Variants in PRKAA2 observed in about 807,000 individuals in gnomAD.
PRKAA2 encodes 5'-AMP-activated protein kinase catalytic subunit alpha-2.
PRKAA2 carries 40 observed loss-of-function variants against 56.3 expected under a neutral mutation model. The ratio of observed to expected loss-of-function variants is 0.71; its 90% CI spans 0.55 to 0.92. The LOEUF (loss-of-function observed/expected upper bound fraction) is 0.92, where lower values mean the gene tolerates loss of function less well. PRKAA2 is among the 40% of genes least tolerant of loss of function. The pLI is 0.00. For missense variants in PRKAA2, 542 were observed against 686.9 expected, an observed-to-expected ratio of 0.79 and a Z score of 2.36; for synonymous variants, 214 against 234.2, an observed-to-expected ratio of 0.91 and a Z score of 0.79.
intron 3 of PRKAA2, 59 bp downstream of exon 3, chr1:56,691,546 G>A (rs570287574): frequency 7.2e-7 from 1 of 1,382,238 alleles, no homozygotes; most frequent in Non-Finnish European, 1.0e-6. Context: ...GAAAGTATTG[G>A]GACATAGAAC....
chr1:56,671,939 GTCA>G (rs1196635762), intron 1 of PRKAA2, among the ~76,000 whole-genome samples: 1 of 152,082 alleles, frequency 6.6e-6, no homozygotes, highest in East Asian at 1.9e-4. Context: ...GGTCACTTTT[GTCA>G]TCATTATTAA....
chr1:56,663,002 C>A (rs1185839512), intron 1 of PRKAA2, among the ~76,000 whole-genome samples: 1 of 152,092 alleles, frequency 6.6e-6, no homozygotes, highest in East Asian at 1.9e-4. Context: ...TGTTCCTTGG[C>A]CCTCCAGAGA....
At chr1:56,659,799 T>C (rs1165306251) in intron 1 of PRKAA2, among the ~76,000 whole-genome samples, 2 of 152,156 alleles carry the variant, frequency 1.3e-5, no homozygotes, top group South Asian at 2.1e-4. Flanking sequence ...TCCCAGCGAC[T>C]TGGGGAACTG....
intron 1 of PRKAA2, among the ~76,000 whole-genome samples, chr1:56,658,593 C>CG (rs887405071): frequency 6.7e-6 from 1 of 148,808 alleles, no homozygotes; most frequent in African/African-American, 2.5e-5. Flanking sequence ...TTCTTCCCCC[C>CG]CCCCGCCATT....
At position 56,652,594 on chromosome 1, in the gene PRKAA2, G is replaced by A. The variant is rs528848985; in HGVS notation, c.94+7113G>A. Among the ~76,000 whole-genome samples the A allele has an allele frequency of 2.6e-5, 4 of 152,296 alleles. No individual in the cohort carries two copies. The East Asian group carries it at 7.7e-4, about 29-fold the overall frequency. ...CTACTACCAGTTGTCTCACCTTTGG[G>A]AAAAACCATTAGATGCTGAGCCTTT... On this transcript the variant is annotated intron_variant, in intron 1 of 8. Transcript: ENST00000371244.
chr1:56,698,827 C>T (rs963945171), intron 6 of PRKAA2, among the ~76,000 whole-genome samples: 5 of 152,150 alleles, frequency 3.3e-5, no homozygotes, highest in Non-Finnish European at 7.4e-5. Flanking sequence ...ATTTATTTCA[C>T]ATCTGCTCTG....
intron 5 of PRKAA2, among the ~76,000 whole-genome samples, chr1:56,694,734 C>G (rs775045129): frequency 6.6e-6 from 1 of 152,006 alleles, no homozygotes; most frequent in Admixed American, 6.6e-5. Flanking sequence ...CTAATCACCC[C>G]CCTTAAGTCC....
chr1:56,651,308 C>G (rs1044127053), intron 1 of PRKAA2, among the ~76,000 whole-genome samples: 36 of 152,166 alleles, frequency 2.4e-4, no homozygotes, highest in African/African-American at 8.4e-4. Flanking sequence ...ATAAAAGGTA[C>G]AATTTGATTA....
chr1:56,707,194 A>C (rs1176952844), intron 8 of PRKAA2, among the ~76,000 whole-genome samples: 1 of 152,166 alleles, frequency 6.6e-6, no homozygotes, highest in Non-Finnish European at 1.5e-5. Context: ...TCACATGCAG[A>C]GATATCAGTT....
chr1:56,683,071 ATTTTTTTTTTTT>A (rs10606990), intron 2 of PRKAA2, among the ~76,000 whole-genome samples: 14 of 87,208 alleles, frequency 1.6e-4, no homozygotes, highest in African/African-American at 3.9e-4. Context: ...AAAGAAAGGA[ATTTTTTTTTTTT>A]TTTTTTTTTT....
intron 1 of PRKAA2, among the ~76,000 whole-genome samples, chr1:56,653,542 GAAT>G (rs1234391885): frequency 4.6e-5 from 7 of 151,986 alleles, no homozygotes. Flanking sequence ...GTAAAAATGG[GAAT>G]AATACCATAT....
At chr1:56,684,172 G>T (rs569220508) in intron 2 of PRKAA2, among the ~76,000 whole-genome samples, 1 of 152,074 alleles carries the variant, frequency 6.6e-6, no homozygotes, top group Admixed American at 6.6e-5. Context: ...TGGCCTCGGC[G>T]AAAAAACAAG....
chr1:56,651,821 G>T (rs1443879133), intron 1 of PRKAA2, among the ~76,000 whole-genome samples: 2 of 151,386 alleles, frequency 1.3e-5, no homozygotes, highest in African/African-American at 2.4e-5. Context: ...AGTGATTTCA[G>T]TGTGTTTACT....
intron 2 of PRKAA2, among the ~76,000 whole-genome samples, chr1:56,689,098 T>C (rs570992166): frequency 2.0e-5 from 3 of 152,284 alleles, no homozygotes; most frequent in Admixed American, 1.3e-4. Context: ...AATTTATTTA[T>C]TAGAATGTCA....
intron 1 of PRKAA2, among the ~76,000 whole-genome samples, chr1:56,660,931 G>A (rs1291463721): frequency 6.6e-6 from 1 of 152,134 alleles, no homozygotes; most frequent in African/African-American, 2.4e-5. Context: ...GGATTTTCAG[G>A]GAAAGGAAAT....
chr1:56,683,982 A>G (rs967844800), intron 2 of PRKAA2, among the ~76,000 whole-genome samples: 4 of 152,190 alleles, frequency 2.6e-5, no homozygotes, highest in African/African-American at 7.2e-5. Context: ...AGGGAAACCA[A>G]TTGGGAGTCA....
At chr1:56,664,891 C>CAT (rs1553147712) in intron 1 of PRKAA2, among the ~76,000 whole-genome samples, 1 of 114,072 alleles carries the variant, frequency 8.8e-6, no homozygotes, top group South Asian at 4.4e-4. Flanking sequence ...CACACACACA[C>CAT]ATATATACAT....
chr1:56,657,302 A>G (rs971929320), intron 1 of PRKAA2, among the ~76,000 whole-genome samples: 4 of 152,206 alleles, frequency 2.6e-5, no homozygotes, highest in African/African-American at 9.6e-5. Context: ...AAAAAATGGA[A>G]TGGAATTTTT....
chr1:56,683,886 A>G (rs1644173219), intron 2 of PRKAA2, among the ~76,000 whole-genome samples: 1 of 152,266 alleles, frequency 6.6e-6, no homozygotes, highest in Middle Eastern at 3.4e-3. Flanking sequence ...ACTCTTGTCT[A>G]AGATGGGAAG....
Sources: allele counts gnomAD v4.1 joint callset (sites outside exome capture counted in the v4.1 genomes callset), GRCh38; gene constraint gnomAD v4.1.1; transcripts MANE v1.5; gene names NCBI Gene and HGNC (gene_info 2026-07-23, HGNC 2026-07-21).